The following PLEKHA5 variants were observed in gnomAD, a reference collection of about 807,000 sequenced individuals.
PLEKHA5 encodes the protein pleckstrin homology domain containing A5, also known as pleckstrin homology domain-containing family A member 5.
Under a neutral mutation model 181.9 loss-of-function variants are expected in PLEKHA5, and 55 were observed. That is an observed-to-expected ratio of 0.30 (90% CI 0.24 to 0.38). PLEKHA5 has a LOEUF of 0.38. Ranked by LOEUF, PLEKHA5 falls within the 10% of genes least tolerant of loss-of-function variation. PLEKHA5 has a pLI of 1.00. For missense variants in PLEKHA5, 1,432 were observed against 1,549.5 expected (o/e 0.92, Z 1.27); for synonymous variants, 535 against 529.4 (o/e 1.01, Z -0.15).
At chr12:19,222,267 A>C (rs1253688394) in intron 3 of PLEKHA5, among the ~76,000 whole-genome samples, 1 of 152,138 alleles carries the variant, frequency 6.6e-6, no homozygotes, top group African/African-American at 2.4e-5. Flanking sequence ...CTTTGGAGTT[A>C]CAGATGGGTT....
intron 3 of PLEKHA5, among the ~76,000 whole-genome samples, chr12:19,169,314 G>A (rs1337616440): frequency 6.6e-6 from 1 of 151,854 alleles, no homozygotes; most frequent in Non-Finnish European, 1.5e-5. Context: ...GATAAATTAA[G>A]TTAGTGTTGC....
chr12:19,291,769 C>A, intron 15 of PLEKHA5, 72 bp downstream of exon 15: 1 of 775,010 alleles, frequency 1.3e-6, no homozygotes, highest in Non-Finnish European at 2.0e-6. Flanking sequence ...GTTTTTCAGG[C>A]TTCTCAGCTA....
At chr12:19,146,160 A>G (rs891828918) in intron 3 of PLEKHA5, among the ~76,000 whole-genome samples, 4 of 152,336 alleles carry the variant, frequency 2.6e-5, no homozygotes, top group African/African-American at 7.2e-5. Context: ...CTTTCTTCCA[A>G]AAAGTCTTAA....
chr12:19,130,101 T>C lies in PLEKHA5; in HGVS notation c.140T>C (p.Val47Ala), dbSNP rs770636916. The C allele has an allele frequency of 6.3e-7, 1 of 1,585,942 alleles. No homozygotes were observed. ...TWLHPVTGEA[V>A]VTGHRRQSTD... ...CTGCACCCCGTCACCGGCGAGGCGG[T>C]GGTCACCGGACACCGGCGGCAGAGC... The change falls in exon 2 of 32, where the codon GTG becomes GCG. Residue 47 changes from valine (V) to alanine (A), a missense_variant. Physicochemically the swap from Val to Ala is moderately conservative, Grantham distance 64. Transcript: ENST00000429027. The surrounding 1 kb of genome is among the most constrained non-coding windows in gnomAD (Gnocchi z 4.5).
At chr12:19,345,433 A>T (rs956391242) in intron 22 of PLEKHA5, among the ~76,000 whole-genome samples, 2 of 150,682 alleles carry the variant, frequency 1.3e-5, no homozygotes, top group Non-Finnish European at 3.0e-5. Context: ...AAAAATAAAT[A>T]AAAATAAAAA....
intron 26 of PLEKHA5, among the ~76,000 whole-genome samples, chr12:19,354,747 G>A (rs1449887221): frequency 6.6e-6 from 1 of 152,104 alleles, no homozygotes; most frequent in Non-Finnish European, 1.5e-5. Context: ...CTCCCAAACT[G>A]CTGGGATTAC....
intron 3 of PLEKHA5, among the ~76,000 whole-genome samples, chr12:19,173,005 CTTTTTTTTTTT>C (rs71064064): frequency 5.1e-4 from 17 of 33,550 alleles, no homozygotes; most frequent in Admixed American, 1.3e-3. Flanking sequence ...ATTTCCCTTT[CTTTTTTTTTTT>C]TTTTTTTTTT....
intron 24 of PLEKHA5, among the ~76,000 whole-genome samples, chr12:19,347,389 T>G (rs1197955548): frequency 6.6e-6 from 1 of 151,822 alleles, no homozygotes; most frequent in Non-Finnish European, 1.5e-5. Context: ...TTTTATAATT[T>G]TAATATTTTA....
intron 25 of PLEKHA5, among the ~76,000 whole-genome samples, 176 bp downstream of exon 25, chr12:19,348,695 A>T (rs2094448840): frequency 6.6e-6 from 1 of 152,226 alleles, no homozygotes; most frequent in Non-Finnish European, 1.5e-5. Context: ...TTAAAAGATA[A>T]AATGGCCCAT....
chr12:19,350,167 G>A lies in PLEKHA5; in HGVS notation c.3019+1648G>A, dbSNP rs750518230. On this transcript the variant is annotated intron_variant, in intron 25 of 31. Coordinates refer to ENST00000429027, the MANE Select transcript of PLEKHA5 (RefSeq NM_001256470.2). Reference sequence around the variant, plus strand: ...ACTGTTTGAAACTTGATTGGACCATGGTTTAAAAGAAGAATCTCTAAAGTA... The same window carrying A: ...ACTGTTTGAAACTTGATTGGACCATAGTTTAAAAGAAGAATCTCTAAAGTA... Among the ~76,000 whole-genome samples, 5 of 152,134 alleles carry A rather than the reference G, an allele frequency of 3.3e-5. No individual in the cohort carries two copies. The South Asian group carries it at 1.0e-3, about 32-fold the overall frequency.
At chr12:19,303,451 G>A (rs2082173540) in intron 15 of PLEKHA5, 2 of 152,072 alleles carry the variant, frequency 1.3e-5, no homozygotes, top group African/African-American at 2.4e-5. Context: ...AGATAGATTT[G>A]AAACAGACAT....
intron 3 of PLEKHA5, among the ~76,000 whole-genome samples, chr12:19,213,166 G>T (rs1387479234): frequency 6.6e-6 from 1 of 152,158 alleles, no homozygotes; most frequent in Non-Finnish European, 1.5e-5. Flanking sequence ...AGAGAAGTAT[G>T]TGTATTGTGT....
intron 3 of PLEKHA5, chr12:19,243,178 A>G (rs542031432): frequency 5.1e-4 from 78 of 152,380 alleles, no homozygotes; most frequent in Non-Finnish European, 1.1e-3. Flanking sequence ...ATTCTGTTCT[A>G]GTGTCATTGA....
chr12:19,222,458 C>T (rs1592115534), intron 3 of PLEKHA5, among the ~76,000 whole-genome samples: 1 of 152,040 alleles, frequency 6.6e-6, no homozygotes, highest in Non-Finnish European at 1.5e-5. Flanking sequence ...CACATGCGGA[C>T]GCCTCACACT....
chr12:19,192,434 ACACCTATAATCCCAG>A (rs1457021547), intron 3 of PLEKHA5, among the ~76,000 whole-genome samples: 1 of 152,218 alleles, frequency 6.6e-6, no homozygotes, highest in Non-Finnish European at 1.5e-5. Flanking sequence ...ACAGTGGCTC[ACACCTATAATCCCAG>A]CACTTTGGGA....
intron 21 of PLEKHA5, among the ~76,000 whole-genome samples, chr12:19,342,204 C>T (rs186218114): frequency 1.3e-5 from 2 of 152,186 alleles, no homozygotes; most frequent in East Asian, 3.9e-4. Context: ...AAGTTACATT[C>T]CTAGAATAGT....
intron 3 of PLEKHA5, among the ~76,000 whole-genome samples, chr12:19,203,457 T>A (rs1021463380): frequency 6.6e-6 from 1 of 152,070 alleles, no homozygotes; most frequent in African/African-American, 2.4e-5. Flanking sequence ...TTCTCCAGTC[T>A]CCACACCACC....
At chr12:19,285,734 TA>T (rs200765295) in intron 12 of PLEKHA5, among the ~76,000 whole-genome samples, 314 of 152,344 alleles carry the variant, frequency 2.1e-3, no homozygotes, top group African/African-American at 7.3e-3. Flanking sequence ...GGTTCACTTA[TA>T]AATCTCATTC....
intron 3 of PLEKHA5, among the ~76,000 whole-genome samples, chr12:19,157,704 A>C (rs559012418): frequency 1.3e-5 from 2 of 152,218 alleles, no homozygotes; most frequent in African/African-American, 4.8e-5. Context: ...GCAACCATTT[A>C]ATCTTGCAAA....
Sources: allele counts gnomAD v4.1 joint callset (sites outside exome capture counted in the v4.1 genomes callset), GRCh38; gene constraint gnomAD v4.1.1; non-coding constraint Gnocchi (gnomAD v3.1); transcripts MANE v1.5; gene names NCBI Gene and HGNC (gene_info 2026-07-23, HGNC 2026-07-21).